DAB1: variants seen among roughly 807,000 people sequenced by gnomAD.
DAB1 encodes the protein DAB adaptor protein 1, also known as disabled homolog 1.
In DAB1, 15 loss-of-function variants were observed where a neutral mutation model predicts 64.6. The observed-to-expected ratio is 0.23, with a 90% confidence interval of 0.16 to 0.36. The LOEUF (loss-of-function observed/expected upper bound fraction) is 0.36, where lower values mean the gene tolerates loss of function less well. Ranked by LOEUF, DAB1 falls within the 10% of genes least tolerant of loss-of-function variation. The pLI is 1.00. For missense variants in DAB1, 596 were observed against 706.7 expected, an observed-to-expected ratio of 0.84 and a Z score of 1.78; for synonymous variants, 235 against 251.9, an observed-to-expected ratio of 0.93 and a Z score of 0.64.
intron 1 of DAB1, among the ~76,000 whole-genome samples, chr1:57,343,316 T>A (rs1677792695): frequency 1.3e-5 from 2 of 152,170 alleles, no homozygotes; most frequent in South Asian, 4.1e-4. Context: ...CCGATTGGTA[T>A]ATTTACAATC....
intron 1 of DAB1, among the ~76,000 whole-genome samples, chr1:57,319,824 G>C (rs1178087446): frequency 1.3e-5 from 2 of 151,992 alleles, no homozygotes; most frequent in Non-Finnish European, 2.9e-5. Flanking sequence ...CTCGATCAAA[G>C]AAAGGAGATA....
intron 3 of DAB1, among the ~76,000 whole-genome samples, chr1:58,367,920 T>C (rs1644231303): frequency 6.6e-6 from 1 of 152,206 alleles, no homozygotes; most frequent in Admixed American, 6.5e-5. Flanking sequence ...GGATGACTCC[T>C]TTCAGTGTTG....
chr1:58,090,469 T>G (rs1237577378), intron 5 of DAB1, among the ~76,000 whole-genome samples: 2 of 152,234 alleles, frequency 1.3e-5, no homozygotes, highest in Non-Finnish European at 2.9e-5. Context: ...GGGCCTATCA[T>G]GCCAATTCCC....
At chr1:57,814,989 C>G (rs1309142812) in intron 6 of DAB1, among the ~76,000 whole-genome samples, 1 of 152,168 alleles carries the variant, frequency 6.6e-6, no homozygotes, top group Non-Finnish European at 1.5e-5. Flanking sequence ...ATTCAGGAAC[C>G]ATTTGTGGGT....
intron 4 of DAB1, among the ~76,000 whole-genome samples, chr1:58,216,339 T>C (rs1380972577): frequency 6.6e-6 from 1 of 152,200 alleles, no homozygotes; most frequent in African/African-American, 2.4e-5. Flanking sequence ...TTCATCCATG[T>C]CCTTGCAAAG....
chr1:57,597,895 T>C (rs1450346488), intron 7 of DAB1, among the ~76,000 whole-genome samples: 1 of 152,242 alleles, frequency 6.6e-6, no homozygotes, highest in Non-Finnish European at 1.5e-5. Flanking sequence ...ACAAGCCACC[T>C]AGAGATTTTT....
chr1:57,726,137 C>G (rs1647206992), intron 6 of DAB1, among the ~76,000 whole-genome samples: 1 of 152,178 alleles, frequency 6.6e-6, no homozygotes, highest in South Asian at 2.1e-4. Context: ...TGGGTAGTTA[C>G]TAACTTTGAA....
chr1:57,957,526 T>C (rs548167423), intron 5 of DAB1, among the ~76,000 whole-genome samples: 1 of 152,144 alleles, frequency 6.6e-6, no homozygotes, highest in African/African-American at 2.4e-5. Flanking sequence ...TATATACAGG[T>C]CTAGAATTCA....
At chr1:58,010,458 G>A (rs545492552) in intron 5 of DAB1, among the ~76,000 whole-genome samples, 20 of 152,122 alleles carry the variant, frequency 1.3e-4, no homozygotes, top group African/African-American at 3.4e-4. Flanking sequence ...ACATAAAAGC[G>A]CAATTTGAAC....
intron 2 of DAB1, among the ~76,000 whole-genome samples, chr1:58,525,968 T>C (rs1401858747): frequency 6.6e-6 from 1 of 152,052 alleles, no homozygotes; most frequent in Non-Finnish European, 1.5e-5. Flanking sequence ...CTTTTTTCCA[T>C]AAACAGTGCT....
At chr1:58,444,300 G>C (rs1455699111) in intron 3 of DAB1, among the ~76,000 whole-genome samples, 4 of 152,194 alleles carry the variant, frequency 2.6e-5, no homozygotes, top group Non-Finnish European at 5.9e-5. Context: ...ACTGTTACAA[G>C]AGTCTTAAAA....
chr1:58,539,263 G>T, intron 1 of DAB1: 1 of 865,048 alleles, frequency 1.2e-6, no homozygotes. Flanking sequence ...ATGGTTTCTA[G>T]CAGCAGACTG....
chr1:58,358,953 A>AACACACAC (rs57077530), intron 3 of DAB1, among the ~76,000 whole-genome samples: 10,132 of 123,844 alleles, frequency 0.082, 527 homozygotes, highest in African/African-American at 0.13. Context: ...CTCTCTCTGT[A>AACACACAC]ACACACACAC....
chr1:57,610,005 G>A (rs573286602), intron 7 of DAB1, among the ~76,000 whole-genome samples: 6 of 152,264 alleles, frequency 3.9e-5, no homozygotes, highest in African/African-American at 7.2e-5. Context: ...ACTAATTGCC[G>A]GGTACTGGAC....
At chr1:57,242,381 G>A (rs1326094534) in intron 2 of DAB1, among the ~76,000 whole-genome samples, 1 of 152,140 alleles carries the variant, frequency 6.6e-6, no homozygotes, top group Non-Finnish European at 1.5e-5. Flanking sequence ...AAGAGAAAAA[G>A]AGACAAAGCA....
At chr1:58,192,880 T>C (rs1657463350) in intron 4 of DAB1, among the ~76,000 whole-genome samples, 1 of 152,238 alleles carries the variant, frequency 6.6e-6, no homozygotes, top group African/African-American at 2.4e-5. Flanking sequence ...GTTTCTGTTT[T>C]GCAAGATGAA....
chr1:57,354,677 G>A (rs1406944255), intron 1 of DAB1, among the ~76,000 whole-genome samples: 4 of 152,170 alleles, frequency 2.6e-5, no homozygotes, highest in Admixed American at 2.0e-4. Context: ...GGTCCTGAGA[G>A]TCTGAAAAAG....
intron 7 of DAB1, among the ~76,000 whole-genome samples, chr1:57,536,390 G>C (rs1315441720): frequency 6.6e-6 from 1 of 152,178 alleles, no homozygotes; most frequent in African/African-American, 2.4e-5. Context: ...AAATGTGTCT[G>C]ATGCACCCAC....
chr1:58,390,560 T>C (rs1644467815), intron 3 of DAB1, among the ~76,000 whole-genome samples: 1 of 152,218 alleles, frequency 6.6e-6, no homozygotes, highest in South Asian at 2.1e-4. Context: ...TATAACTTAC[T>C]GTCTCTCAGA....
Sources: gnomAD v4.1 joint callset for allele counts (sites outside exome capture counted in the v4.1 genomes callset) on GRCh38, gnomAD v4.1.1 for gene constraint, MANE v1.5 for transcripts, NCBI Gene and HGNC (gene_info 2026-07-23, HGNC 2026-07-21) for gene names.